The following ASXL3 variants were observed in gnomAD, a reference collection of about 807,000 sequenced individuals.
ASXL3 encodes the protein ASXL transcriptional regulator 3.
A neutral mutation model predicts 170.6 loss-of-function variants in ASXL3; 34 were observed. The observed-to-expected ratio is 0.20, with a 90% CI of 0.15 to 0.27. The LOEUF is 0.27. Ranked by LOEUF, ASXL3 falls within the 10% of genes least tolerant of loss-of-function variation. The pLI is 1.00. For synonymous variants in ASXL3, 1,002 were observed against 989.1 expected, an observed-to-expected ratio of 1.01 and a Z score of -0.24; for missense variants, 2,592 against 2,695.3, an observed-to-expected ratio of 0.96 and a Z score of 0.85.
chr18:33,670,048 G>A (rs147540487), intron 5 of ASXL3, among the ~76,000 whole-genome samples: 3 of 152,038 alleles, frequency 2.0e-5, no homozygotes, highest in African/African-American at 7.2e-5. Context: ...TGTCATGTTC[G>A]TGTTCTGAAG....
chr18:33,617,778 A>C (rs2065449560), intron 2 of ASXL3, among the ~76,000 whole-genome samples: 1 of 152,206 alleles, frequency 6.6e-6, no homozygotes, highest in South Asian at 2.1e-4. Context: ...CTCCAGAAAC[A>C]TTGAACACTC....
At chr18:33,622,387 AC>A (rs1369887147) in intron 2 of ASXL3, among the ~76,000 whole-genome samples, 2 of 152,098 alleles carry the variant, frequency 1.3e-5, no homozygotes, top group African/African-American at 4.8e-5. Flanking sequence ...ATTTTATTAA[AC>A]CCTTTGCATT....
chr18:33,594,762 G>A (rs2065110430), intron 1 of ASXL3, among the ~76,000 whole-genome samples: 1 of 151,946 alleles, frequency 6.6e-6, no homozygotes, highest in Non-Finnish European at 1.5e-5. Flanking sequence ...ATATATAAAT[G>A]GGGTCTCACT....
At chr18:33,683,175 T>C (rs1347313077) in intron 7 of ASXL3, among the ~76,000 whole-genome samples, 1 of 152,174 alleles carries the variant, frequency 6.6e-6, no homozygotes, top group East Asian at 1.9e-4. Context: ...AGAGAAGATA[T>C]TGAGTGAAGT....
intron 4 of ASXL3, among the ~76,000 whole-genome samples, chr18:33,651,863 G>A (rs1193129098): frequency 6.6e-6 from 1 of 152,038 alleles, no homozygotes; most frequent in Non-Finnish European, 1.5e-5. Flanking sequence ...TGGGAGATGT[G>A]TTGCCAAGGT....
At chr18:33,608,615 G>A (rs1042595686) in intron 2 of ASXL3, among the ~76,000 whole-genome samples, 1 of 151,948 alleles carries the variant, frequency 6.6e-6, no homozygotes, top group Non-Finnish European at 1.5e-5. Flanking sequence ...CTATGATGTT[G>A]TCATATGTGT....
At chr18:33,644,035 A>G (rs2145197411) in intron 2 of ASXL3, among the ~76,000 whole-genome samples, 1 of 152,062 alleles carries the variant, frequency 6.6e-6, no homozygotes, top group East Asian at 1.9e-4. Flanking sequence ...ATCAAAACAC[A>G]AAATTTGTTC....
Position 33,737,665 on chromosome 18 carries a change from G to T in ASXL3, c.1083-822G>T, listed in dbSNP as rs184151483. Among the ~76,000 whole-genome samples the T allele has an allele frequency of 1.6e-4, 25 of 152,214 alleles. No individual in the cohort carries two copies. The East Asian group carries it at 3.3e-3, about 20-fold the overall frequency. ...GTCTTGCTTCACACAAATGTAAGCT[G>T]GTAGAATAACTTTGATAACCCCAAA... On this transcript the variant is annotated intron_variant, in intron 10 of 11. Transcript: ENST00000269197.
intron 4 of ASXL3, among the ~76,000 whole-genome samples, chr18:33,649,079 G>A (rs2065957907): frequency 6.6e-6 from 1 of 151,958 alleles, no homozygotes; most frequent in Non-Finnish European, 1.5e-5. Flanking sequence ...GGAGTGGAAT[G>A]GGAAAATGGC....
intron 2 of ASXL3, chr18:33,609,140 A>G: frequency 1.1e-6 from 1 of 888,234 alleles, no homozygotes. Flanking sequence ...ATGTCAGTTT[A>G]AGGAGTTAGG....
intron 1 of ASXL3, among the ~76,000 whole-genome samples, chr18:33,600,057 G>A (rs1000985832): frequency 1.3e-5 from 2 of 152,094 alleles, no homozygotes; most frequent in Admixed American, 6.6e-5. Flanking sequence ...TTTAATGAGT[G>A]TAATTCTTAA....
chr18:33,737,937 A>G (rs1216847143), intron 10 of ASXL3, among the ~76,000 whole-genome samples: 1 of 152,102 alleles, frequency 6.6e-6, no homozygotes, highest in Non-Finnish European at 1.5e-5. Context: ...TGCAGATTTA[A>G]AAAATATATA....
intron 2 of ASXL3, among the ~76,000 whole-genome samples, chr18:33,628,958 A>G (rs928405898): frequency 2.0e-5 from 3 of 152,110 alleles, no homozygotes; most frequent in African/African-American, 7.2e-5. Flanking sequence ...ATTACAATAG[A>G]TTTATTTCAG....
chr18:33,669,711 G>A (rs2066310841), intron 5 of ASXL3, among the ~76,000 whole-genome samples: 2 of 152,134 alleles, frequency 1.3e-5, no homozygotes, highest in Non-Finnish European at 2.9e-5. Context: ...AAGTAACTGG[G>A]ATGTTGTAAA....
At position 33,638,205 on chromosome 18, in the gene ASXL3, G is replaced by GAT. The variant is rs138141735; in HGVS notation, c.138-6678_138-6677dup. On this transcript the variant is annotated intron_variant, in intron 2 of 11. Coordinates refer to ENST00000269197, the MANE Select transcript of ASXL3 (RefSeq NM_030632.3). ...TTATGTGTATATATATCTTATTTAT[G>GAT]ATATATATATATTATCAAATACACA... Among the ~76,000 whole-genome samples, 379 of 149,268 alleles carry GAT rather than the reference G, an allele frequency of 2.5e-3. 6 individuals carry two copies. The East Asian group carries it at 0.05, about 20-fold the overall frequency.
chr18:33,648,852 A>C (rs1017132666), intron 4 of ASXL3, among the ~76,000 whole-genome samples: 5 of 152,110 alleles, frequency 3.3e-5, no homozygotes, highest in African/African-American at 4.8e-5. Flanking sequence ...GAAGTGACTC[A>C]AATGTGTCAA....
intron 5 of ASXL3, among the ~76,000 whole-genome samples, chr18:33,664,169 A>AT (rs937086428): frequency 6.6e-6 from 1 of 152,116 alleles, no homozygotes; most frequent in Non-Finnish European, 1.5e-5. Context: ...TTATATCCCC[A>AT]TTTTTCAAAG....
At chr18:33,663,285 A>G (rs2066206024) in intron 5 of ASXL3, among the ~76,000 whole-genome samples, 1 of 152,180 alleles carries the variant, frequency 6.6e-6, no homozygotes. Flanking sequence ...TAAGAAACAT[A>G]AATGGGATCA....
chr18:33,651,620 C>T lies in ASXL3; in HGVS notation c.355+5267C>T, dbSNP rs188197924. Among the ~76,000 whole-genome samples the T allele has an allele frequency of 7.4e-4, 112 of 152,112 alleles. 1 individual carries two copies. Among genetic ancestry groups the T allele is most frequent in the South Asian group, 3.5e-3 (17 of 4,818 alleles). On this transcript the variant is annotated intron_variant, in intron 4 of 11. Coordinates refer to ENST00000269197, the MANE Select transcript of ASXL3 (RefSeq NM_030632.3). ...CCCTTGATGCGTTGAAAGAATAAGC[C>T]GCTGCTACCATAGTGTTATATTGGA...
Sources: allele counts gnomAD v4.1 joint callset (sites outside exome capture counted in the v4.1 genomes callset), GRCh38; gene constraint gnomAD v4.1.1; transcripts MANE v1.5; gene names NCBI Gene and HGNC (gene_info 2026-07-23, HGNC 2026-07-21).